Variants in MED13L observed in about 807,000 individuals in gnomAD.
The protein encoded by MED13L is mediator of RNA polymerase II transcription subunit 13-like.
A neutral mutation model predicts 220.9 loss-of-function variants in MED13L; 7 were observed. The ratio of observed to expected loss-of-function variants is 0.03; its 90% CI spans 0.02 to 0.06. The LOEUF (loss-of-function observed/expected upper bound fraction) is 0.06, where lower values mean the gene tolerates loss of function less well. Among genes scored for constraint, MED13L ranks in the 10% least tolerant of loss-of-function variants. The probability of loss-of-function intolerance (pLI) is 1.00; values close to 1 mark genes in which losing one functional copy is unlikely to be tolerated. For missense variants in MED13L, 1,965 were observed against 2,760.5 expected, an observed-to-expected ratio of 0.71 and a Z score of 6.46; for synonymous variants, 1,011 against 1,015.2, an observed-to-expected ratio of 1.00 and a Z score of 0.08.
intron 7 of MED13L, 98 bp downstream of exon 7, chr12:116,019,126 C>T (rs941976966): frequency 8.1e-6 from 10 of 1,235,956 alleles, no homozygotes; most frequent in Non-Finnish European, 1.1e-5. Context: ...TCCATCTCTT[C>T]CAACAGGAAT....
chr12:116,067,605 T>C (rs575872016), intron 4 of MED13L, among the ~76,000 whole-genome samples: 2 of 152,322 alleles, frequency 1.3e-5, no homozygotes, highest in African/African-American at 4.8e-5. Flanking sequence ...CAAAAAAGCA[T>C]GAAACAAATA....
intron 2 of MED13L, among the ~76,000 whole-genome samples, chr12:116,236,579 T>C (rs1870101473): frequency 6.6e-6 from 1 of 151,482 alleles, no homozygotes; most frequent in African/African-American, 2.4e-5. Context: ...CAGACACAGA[T>C]TAACACAATA....
In MED13L at chr12:115,991,167, G is replaced by A. The variant is rs761966368; in HGVS notation, c.3787C>T (p.Arg1263Trp). Residue 1263 changes from arginine (R) to tryptophan (W), a missense_variant, in exon 17 of 31, where the codon CGG becomes TGG. Arg to Trp is a moderately radical substitution (Grantham distance 101, BLOSUM62 -3). Transcript: ENST00000281928. This position sits in a 1 kb window ranked among gnomAD's most constrained non-coding sequence, Gnocchi z 7.7. The stretch of plus-strand genomic sequence containing the variant: ...TAATCATTATTATCTGCTTGCACCC[G>A]GTCATAACTCCAGCTTACACAGGGA... ...TLPCVSWSYD[R>W]VQADNNDYWT... 7 of 1,614,114 alleles carry A rather than the reference G, an allele frequency of 4.3e-6. No homozygotes were observed. Among genetic ancestry groups the A allele is most frequent in the Middle Eastern group, 1.6e-4 (1 of 6,062 alleles).
At position 115,986,485 on chromosome 12, in the gene MED13L, C is replaced by G; in HGVS notation, c.4119G>C (p.Ser1373=). The change falls in exon 19 of 31, where the codon TCG becomes TCC. Residue 1373 remains serine (S), a synonymous_variant. Coordinates refer to ENST00000281928, the MANE Select transcript of MED13L (RefSeq NM_015335.5). The part of the protein sequence containing the change: ...HKMAGRGTYG[S]EESPEPLPIP... ...TGGGCAACGGCTCAGGAGATTCTTC[C>G]GAACCTAAAATGACATTGTAGTGTA... The G allele has an allele frequency of 1.2e-6, 2 of 1,613,638 alleles. No individual in the cohort carries two copies. Among genetic ancestry groups the G allele is most frequent in the Non-Finnish European group, 1.7e-6 (2 of 1,179,772 alleles).
rs577689567 is a variant in MED13L, at chr12:116,091,157, G to A, written c.479+5512C>T. ...AAAAAAAAAAGAATTAAAAAACAAG[G>A]TATATCTTTTACTATAAAAAAGAAT... On this transcript the variant is annotated intron_variant, in intron 4 of 30. Coordinates refer to ENST00000281928, the MANE Select transcript of MED13L (RefSeq NM_015335.5). 2.8e-3 allele frequency among the ~76,000 whole-genome samples: 413 copies of A among 149,754 alleles called. 3 individuals carry two copies. Among genetic ancestry groups the A allele is most frequent in the African/African-American group, 9.8e-3 (399 of 40,852 alleles).
chr12:116,093,154 C>T lies in MED13L; in HGVS notation c.479+3515G>A, dbSNP rs937284203. On this transcript the variant is annotated intron_variant, in intron 4 of 30. Transcript: ENST00000281928. ...GGAATAATTTCCAAATGATTTTCAC[C>T]GGTTTGTTTTAAAACATATTCTGAA... Among the ~76,000 whole-genome samples the T allele has an allele frequency of 1.4e-4, 21 of 151,980 alleles. 1 individual carries two copies. The highest frequency in any genetic ancestry group is 3.6e-4 in the African/African-American group (15 of 41,408).
At chr12:116,259,387 A>AG (rs1338373242) in intron 1 of MED13L, among the ~76,000 whole-genome samples, 2 of 152,242 alleles carry the variant, frequency 1.3e-5, no homozygotes, top group African/African-American at 2.4e-5. Flanking sequence ...TGGGAACATA[A>AG]CATTAAAGGC....
intron 4 of MED13L, among the ~76,000 whole-genome samples, chr12:116,054,516 C>CT (rs1868786112): frequency 6.6e-6 from 1 of 152,152 alleles, no homozygotes; most frequent in South Asian, 2.1e-4. Flanking sequence ...ATGTTAAGTA[C>CT]TTTTCTTTTG....
intron 1 of MED13L, among the ~76,000 whole-genome samples, chr12:116,252,633 G>C (rs905864780): frequency 1.3e-5 from 2 of 151,654 alleles, no homozygotes; most frequent in Non-Finnish European, 2.9e-5. Flanking sequence ...GTAAATAGAA[G>C]AAAGGAAATA....
At chr12:116,004,450 G>C (rs1291953161) in intron 13 of MED13L, among the ~76,000 whole-genome samples, 2 of 152,082 alleles carry the variant, frequency 1.3e-5, no homozygotes, top group African/African-American at 4.8e-5. Flanking sequence ...TACCAGATTA[G>C]AGGATTCCTG....
At chr12:115,986,230 A>C in intron 19 of MED13L, 36 bp downstream of exon 19, 1 of 1,564,098 alleles carries the variant, frequency 6.4e-7, no homozygotes, top group Non-Finnish European at 8.8e-7. Context: ...AGAGGATCCA[A>C]GTCATAAAAA....
chr12:116,166,481 G>A (rs1262724347), intron 2 of MED13L, among the ~76,000 whole-genome samples: 1 of 152,024 alleles, frequency 6.6e-6, no homozygotes, highest in Non-Finnish European at 1.5e-5. Flanking sequence ...CTACTCGGGA[G>A]GCTAAGGCAT....
intron 2 of MED13L, among the ~76,000 whole-genome samples, chr12:116,157,420 A>C (rs1043440821): frequency 2.0e-5 from 3 of 152,166 alleles, no homozygotes; most frequent in African/African-American, 7.2e-5. Flanking sequence ...AAACAGAACA[A>C]ATTACACGAA....
At chr12:116,098,251 AAAAT>A (rs1593041309) in intron 3 of MED13L, among the ~76,000 whole-genome samples, 1 of 152,170 alleles carries the variant, frequency 6.6e-6, no homozygotes, top group East Asian at 1.9e-4. Context: ...CATCTCAAAA[AAAAT>A]AAATAAATAT....
chr12:115,991,723 G>T lies in MED13L; in HGVS notation c.3231C>A (p.Thr1077=). Residue 1077 remains threonine, a synonymous_variant, in exon 17 of 31, where the codon ACC becomes ACA. Transcript: ENST00000281928. The surrounding 1 kb of genome is among the most constrained non-coding windows in gnomAD (Gnocchi z 7.7). ...GGGTGGAGGCTGGTGATCCTTGATC[G>T]GTGCTATCATACTTAACAGACCCTT... ...SGQGSVKYDS[T]DQGSPASTPS... The T allele has an allele frequency of 6.2e-7, 1 of 1,613,710 alleles. No individual in the cohort carries two copies. Among genetic ancestry groups the T allele is most frequent in the Non-Finnish European group, 8.5e-7 (1 of 1,179,788 alleles).
At position 115,963,450 on chromosome 12, in the gene MED13L, C is replaced by A. The variant is rs766852388; in HGVS notation, c.6457G>T (p.Val2153Phe). 3.1e-6 allele frequency: 5 copies of A among 1,614,228 alleles called. No individual in the cohort carries two copies. Among genetic ancestry groups the A allele is most frequent in the African/African-American group, 1.3e-5 (1 of 75,058 alleles). ...ELLPARNSQR[V>F]PHPLDSKTTS... is the part of the protein sequence containing the mutation. ...GTTTTGGAGTCAAGAGGGTGTGGAA[C>A]CCGCTGAGAATTCCTGGCAGGCAGA... is the stretch of plus-strand genomic sequence containing the variant. Residue 2153 changes from valine (V) to phenylalanine (F), a missense_variant, in exon 30 of 31, where the codon GTT (valine) becomes TTT (phenylalanine). By Grantham distance (50) the Val-to-Phe change is conservative (BLOSUM62 -1). This residue lies in a region of MED13L where 145 missense variants were observed against 328.3 expected (regional missense o/e 0.44). Transcript: ENST00000281928.
chr12:116,206,271 G>A (rs1044341939), intron 2 of MED13L, among the ~76,000 whole-genome samples: 1 of 151,820 alleles, frequency 6.6e-6, no homozygotes, highest in Non-Finnish European at 1.5e-5. Context: ...AGTAGAGACG[G>A]TGTTTCACCG....
chr12:116,265,895 C>T (rs566982310), intron 1 of MED13L, among the ~76,000 whole-genome samples: 6 of 152,302 alleles, frequency 3.9e-5, no homozygotes, highest in African/African-American at 1.2e-4. Context: ...AAGCCACATC[C>T]ATCCATTCCT....
chr12:116,133,258 G>A (rs776621194), intron 2 of MED13L, among the ~76,000 whole-genome samples: 1 of 152,146 alleles, frequency 6.6e-6, no homozygotes, highest in African/African-American at 2.4e-5. Flanking sequence ...TTTCCAAACT[G>A]TACTCACAAA....
Sources: gnomAD v4.1 joint callset for allele counts (sites outside exome capture counted in the v4.1 genomes callset) on GRCh38, gnomAD v4.1.1 for gene constraint, gnomAD v4.1.1 regional missense constraint, Gnocchi (gnomAD v3.1) non-coding constraint, MANE v1.5 for transcripts, NCBI Gene and HGNC (gene_info 2026-07-23, HGNC 2026-07-21) for gene names.